The following CTNNA3 variants were observed in gnomAD, a reference collection of about 807,000 sequenced individuals.
The protein encoded by CTNNA3 is catenin alpha-3.
In CTNNA3, 76 loss-of-function variants were observed where a neutral mutation model predicts 95.7. The ratio of observed to expected loss-of-function variants is 0.79; its 90% CI spans 0.66 to 0.96. The LOEUF (loss-of-function observed/expected upper bound fraction) is 0.96. Ranked by LOEUF, CTNNA3 falls within the 40% of genes least tolerant of loss-of-function variation. The pLI is 0.00. For missense variants in CTNNA3, 1,191 were observed against 1,089.8 expected (o/e 1.09, Z -1.31); for synonymous variants, 431 against 374.4 (o/e 1.15, Z -1.74).
intron 7 of CTNNA3, among the ~76,000 whole-genome samples, chr10:66,831,643 T>C (rs941265436): frequency 5.3e-5 from 8 of 151,920 alleles, no homozygotes; most frequent in Admixed American, 2.0e-4. Flanking sequence ...ATCCTCAGCC[T>C]ACCTAGCACA....
chr10:67,133,753 C>T (rs1268736971), intron 7 of CTNNA3, among the ~76,000 whole-genome samples: 6 of 151,986 alleles, frequency 3.9e-5, no homozygotes, highest in African/African-American at 1.4e-4. Flanking sequence ...TGGAAAAGAC[C>T]TAACATGTAA....
intron 3 of CTNNA3, among the ~76,000 whole-genome samples, chr10:67,553,158 A>G (rs949789844): frequency 2.0e-5 from 3 of 152,182 alleles, no homozygotes; most frequent in African/African-American, 4.8e-5. Context: ...GTTTTGCTGT[A>G]AAGAACATGC....
intron 7 of CTNNA3, among the ~76,000 whole-genome samples, chr10:66,995,508 A>G (rs1851278245): frequency 6.6e-6 from 1 of 152,224 alleles, no homozygotes; most frequent in African/African-American, 2.4e-5. Flanking sequence ...CACGAAGCAG[A>G]TAAAGTTACC....
At chr10:66,187,505 C>T (rs2131873980) in intron 13 of CTNNA3, among the ~76,000 whole-genome samples, 1 of 151,218 alleles carries the variant, frequency 6.6e-6, no homozygotes, top group East Asian at 1.9e-4. Flanking sequence ...TGATGTTGAG[C>T]TTCTGTGCAA....
intron 5 of CTNNA3, among the ~76,000 whole-genome samples, chr10:67,514,110 G>A (rs1589378590): frequency 6.6e-6 from 1 of 151,958 alleles, no homozygotes; most frequent in Non-Finnish European, 1.5e-5. Context: ...ACCAGCCTGG[G>A]CAACATGGTG....
intron 9 of CTNNA3, among the ~76,000 whole-genome samples, chr10:66,684,971 A>G (rs1847197107): frequency 6.6e-6 from 1 of 151,616 alleles, no homozygotes. Flanking sequence ...AAAAACTATA[A>G]CCAATATGCA....
At chr10:66,033,928 A>T (rs1246930056) in intron 15 of CTNNA3, among the ~76,000 whole-genome samples, 33 of 152,174 alleles carry the variant, frequency 2.2e-4, no homozygotes, top group Admixed American at 2.0e-3. Flanking sequence ...CTCGCATTCA[A>T]ATTCCATCTC....
chr10:66,723,785 A>G (rs1184237104), intron 9 of CTNNA3, among the ~76,000 whole-genome samples: 2 of 152,212 alleles, frequency 1.3e-5, no homozygotes. Flanking sequence ...TAATGAGAAC[A>G]AGCCAAGAAA....
intron 7 of CTNNA3, among the ~76,000 whole-genome samples, chr10:66,965,659 C>T (rs1021289529): frequency 2.7e-5 from 4 of 149,288 alleles, no homozygotes; most frequent in Non-Finnish European, 4.4e-5. Flanking sequence ...GTAGAGAAAA[C>T]GGTTACTGAT....
chr10:66,426,414 T>C (rs1347583770), intron 11 of CTNNA3, among the ~76,000 whole-genome samples: 1 of 152,122 alleles, frequency 6.6e-6, no homozygotes, highest in Admixed American at 6.6e-5. Flanking sequence ...GTGCTTTCTT[T>C]TTTAATTTAC....
At chr10:66,509,510 A>C (rs1321258415) in intron 11 of CTNNA3, among the ~76,000 whole-genome samples, 1 of 152,034 alleles carries the variant, frequency 6.6e-6, no homozygotes, top group African/African-American at 2.4e-5. Context: ...TCTGATATTT[A>C]ATTCTCTAAT....
intron 1 of CTNNA3, among the ~76,000 whole-genome samples, chr10:67,721,164 T>C (rs904231452): frequency 2.6e-5 from 4 of 152,182 alleles, no homozygotes; most frequent in Non-Finnish European, 4.4e-5. Flanking sequence ...GGAGTATCTC[T>C]GTGGTGTTCT....
At chr10:66,048,758 C>G (rs1412433673) in intron 15 of CTNNA3, among the ~76,000 whole-genome samples, 1 of 151,782 alleles carries the variant, frequency 6.6e-6, no homozygotes, top group African/African-American at 2.4e-5. Context: ...GAGACTCCAT[C>G]TCAAAAAAAA....
chr10:67,234,350 T>C (rs1464156974), intron 5 of CTNNA3, among the ~76,000 whole-genome samples: 3 of 152,240 alleles, frequency 2.0e-5, no homozygotes, highest in Non-Finnish European at 4.4e-5. Context: ...GATGCAAAGC[T>C]GGTTCAATAT....
At position 67,758,323 on chromosome 10, in the gene CTNNA3, T is replaced by TATACAC. The variant is rs71468879; in HGVS notation, c.-2+5110_-2+5111insGTGTAT. On this transcript the variant is annotated intron_variant, in intron 1 of 17. Transcript: ENST00000684154. ...ACACACACATATATATAAATATATATACACACACACACACACACACACACA... is the reference window on the plus strand; with the variant it reads ...ACACACACATATATATAAATATATATATACACACACACACACACACACACACACACA... Among the ~76,000 whole-genome samples, 67 of 143,416 alleles carry TATACAC rather than the reference T, an allele frequency of 4.7e-4. 2 individuals carry two copies. Among genetic ancestry groups the TATACAC allele is most frequent in the African/African-American group, 1.6e-3 (62 of 39,128 alleles). The allele number at this position is 143,416 out of a possible 152,430, so 94.1% of individuals were successfully genotyped here.
intron 5 of CTNNA3, among the ~76,000 whole-genome samples, chr10:67,235,063 A>G (rs1865389896): frequency 6.6e-6 from 1 of 151,602 alleles, no homozygotes; most frequent in Non-Finnish European, 1.5e-5. Context: ...AGGAAGAATC[A>G]ATATCGTGAA....
chr10:67,041,809 G>T (rs931665474), intron 7 of CTNNA3, among the ~76,000 whole-genome samples: 33 of 152,042 alleles, frequency 2.2e-4, no homozygotes, highest in African/African-American at 8.0e-4. Flanking sequence ...AGGAAAGAAT[G>T]ACAATAAAGT....
chr10:66,233,479 TA>T (rs2089693724), intron 13 of CTNNA3, among the ~76,000 whole-genome samples: 1 of 152,188 alleles, frequency 6.6e-6, no homozygotes, highest in Admixed American at 6.5e-5. Flanking sequence ...AAATCAATTT[TA>T]AAAATCAGAT....
At chr10:67,067,371 C>G (rs1218381475) in intron 7 of CTNNA3, among the ~76,000 whole-genome samples, 1 of 152,112 alleles carries the variant, frequency 6.6e-6, no homozygotes, top group Non-Finnish European at 1.5e-5. Flanking sequence ...TAACCCTCCC[C>G]CACCAAAAAT....
Sources: allele counts gnomAD v4.1 joint callset (sites outside exome capture counted in the v4.1 genomes callset), GRCh38; gene constraint gnomAD v4.1.1; transcripts MANE v1.5; gene names NCBI Gene and HGNC (gene_info 2026-07-23, HGNC 2026-07-21).